Variants in LRRN4 observed in about 807,000 individuals in gnomAD.
LRRN4 encodes leucine-rich repeat neuronal protein 4.
A neutral mutation model predicts 22.3 loss-of-function variants in LRRN4; 26 were observed. The observed-to-expected ratio is 1.16, with a 90% CI of 0.85 to 1.62. The LOEUF is 1.62. Among genes scored for constraint, LRRN4 ranks in the 40% most tolerant of loss-of-function variants. The pLI is 0.00. For missense variants in LRRN4, 1,070 were observed against 1,008.5 expected, an observed-to-expected ratio of 1.06 and a Z score of -0.83; for synonymous variants, 496 against 486.2, an observed-to-expected ratio of 1.02 and a Z score of -0.26.
rs778897047 is a variant in LRRN4 at position 6,052,226 on chromosome 20, C to A, written c.574G>T (p.Glu192Ter). ...LGRGAQGGIAEAAFAGEDGAP... is the reference protein window; with the variant it reads ...LGRGAQGGIA Reference sequence around the variant, plus strand: ...CCATCCTCTCCAGCGAACGCCGCCTCGGCGATGCCCCCCTGGGCTCCGCGA... The same window carrying A: ...CCATCCTCTCCAGCGAACGCCGCCTAGGCGATGCCCCCCTGGGCTCCGCGA... The change falls in exon 2 of 5, where the codon GAG becomes TAG. Residue 192 changes from glutamate (E) to a stop codon, truncating the protein, a stop_gained. Transcript: ENST00000378858. LOFTEE classifies it high-confidence loss of function. 6 of 1,578,836 alleles carry A rather than the reference C, an allele frequency of 3.8e-6. No homozygotes were observed. The African/African-American group carries it at 8.1e-5, about 21-fold the overall frequency.
At chr20:6,043,640 T>A (rs985390577) in intron 4 of LRRN4, among the ~76,000 whole-genome samples, 1 of 151,934 alleles carries the variant, frequency 6.6e-6, no homozygotes, top group Non-Finnish European at 1.5e-5. Flanking sequence ...GCATGGTGGT[T>A]CATGCCTGTA....
In LRRN4 at chr20:6,044,596, G is replaced by C; in HGVS notation, c.945C>G (p.Cys315Trp). 6.3e-7 allele frequency: 1 copy of C among 1,594,588 alleles called. No homozygotes were observed. Among genetic ancestry groups the C allele is most frequent in the Non-Finnish European group, 8.5e-7 (1 of 1,170,630 alleles). The change falls in exon 4 of 5, where the codon TGC (cysteine) becomes TGG (tryptophan). Residue 315 changes from cysteine to tryptophan, a missense_variant. By Grantham distance (215) the Cys-to-Trp change is radical. Transcript: ENST00000378858. ...TGAGGAGCCAAGACAAGTCACAACT[G>C]CAAGTGAGGGGGTTGCCAAAGAGGT... is the stretch of plus-strand genomic sequence containing the variant. ...SINLFGNPLT[C>W]SCDLSWLLTD...
At position 6,041,694 on chromosome 20, in the gene LRRN4, G is replaced by A. The variant is rs1980957504; in HGVS notation, c.1551C>T (p.Gly517=). ...PQAPNPSLSE[G]EIPVLLLDDY... ...CGTCCAGCAGCAAGACTGGAATCTC[G>A]CCCTCGGAAAGACTCGGGTTGGGGG... Residue 517 remains glycine (G), a synonymous_variant, in exon 5 of 5, where the codon GGC becomes GGT. Coordinates refer to ENST00000378858, the MANE Select transcript of LRRN4 (RefSeq NM_152611.5). The surrounding 1 kb of genome is among the most constrained non-coding windows in gnomAD (Gnocchi z 9.4). 3 of 1,613,004 alleles carry A rather than the reference G, an allele frequency of 1.9e-6. No homozygotes were observed. Among genetic ancestry groups the A allele is most frequent in the Non-Finnish European group, 2.5e-6 (3 of 1,179,400 alleles).
At position 6,041,421 on chromosome 20, in the gene LRRN4, A is replaced by G; in HGVS notation, c.1824T>C (p.His608=). The change falls in exon 5 of 5, where the codon CAT becomes CAC. Residue 608 remains histidine (H), a synonymous_variant. Transcript: ENST00000378858. The surrounding 1 kb of genome is among the most constrained non-coding windows in gnomAD (Gnocchi z 9.4). The part of the protein sequence containing the change: ...VHWCAPNSVV[H]GYQIRYSAEG... ...CCGCAGAGTAGCGGATCTGGTACCCATGCACTACCGAGTTGGGGGCACACC... is the reference window on the plus strand; with the variant it reads ...CCGCAGAGTAGCGGATCTGGTACCCGTGCACTACCGAGTTGGGGGCACACC... 6.4e-7 allele frequency: 1 copy of G among 1,559,014 alleles called. No homozygotes were observed. The highest frequency in any genetic ancestry group is 8.7e-7 in the Non-Finnish European group (1 of 1,151,414).
chr20:6,052,473 G>T lies in LRRN4; in HGVS notation c.327C>A (p.Asn109Lys), dbSNP rs749504932. The T allele has an allele frequency of 8.9e-6, 14 of 1,568,528 alleles. No homozygotes were observed. The highest frequency in any genetic ancestry group is 1.1e-5 in the Non-Finnish European group (13 of 1,166,230). Residue 109 changes from asparagine (N) to lysine (K), a missense_variant, in exon 2 of 5, where the codon AAC becomes AAA. By Grantham distance (94) the Asn-to-Lys change is moderately conservative. Coordinates refer to ENST00000378858, the MANE Select transcript of LRRN4 (RefSeq NM_152611.5). The stretch of plus-strand genomic sequence containing the variant: ...GGCCCCAGCGCAGCGCGGCGATGCG[G>T]TTGTGGCGCAGGGTCAGCACCTGCA... ...EQLQVLTLRH[N>K]RIAALRWGPG...
chr20:6,048,452 C>A (rs1172089006), intron 3 of LRRN4, among the ~76,000 whole-genome samples: 1 of 152,168 alleles, frequency 6.6e-6, no homozygotes, highest in Non-Finnish European at 1.5e-5. Flanking sequence ...TCTGATGCAG[C>A]ATTGTGTTTA....
At position 6,052,593 on chromosome 20, in the gene LRRN4, C is replaced by A. The variant is rs768315268; in HGVS notation, c.207G>T (p.Leu69=). The change falls in exon 2 of 5, where the codon CTG becomes CTT. Residue 69 remains leucine, a synonymous_variant. Coordinates refer to ENST00000378858, the MANE Select transcript of LRRN4 (RefSeq NM_152611.5). ...GCAGTGTGCGCGGTAGGCAGCCGGG[C>A]AGGCGCTCCAGGTTGCGGTTCGCCA... ...LTLANRNLER[L]PGCLPRTLRS... 6.3e-7 allele frequency: 1 copy of A among 1,584,876 alleles called. No homozygotes were observed. Among genetic ancestry groups the A allele is most frequent in the South Asian group, 1.1e-5 (1 of 88,668 alleles).
chr20:6,052,351 G>T lies in LRRN4; in HGVS notation c.449C>A (p.Ala150Asp). The change falls in exon 2 of 5, where the codon GCC becomes GAC. Residue 150 changes from alanine to aspartate, a missense_variant. Coordinates refer to ENST00000378858, the MANE Select transcript of LRRN4 (RefSeq NM_152611.5). The stretch of plus-strand genomic sequence containing the variant: ...CAGCGGATTCCCGGCGAGCGCCAGG[G>T]CGCGGAGGCTGCTCAGCGCGGGCCC... ...CTGPALSSLR[A>D]LALAGNPLRA... is the part of the protein sequence containing the mutation. 1 of 1,508,730 alleles carries T rather than the reference G, an allele frequency of 6.6e-7. No individual in the cohort carries two copies. Among genetic ancestry groups the T allele is most frequent in the South Asian group, 1.2e-5 (1 of 80,064 alleles). The allele number at this position is 1,508,730 out of a possible 1,614,324, so 93.5% of individuals were successfully genotyped here.
At chr20:6,051,464 T>C (rs1258773687) in intron 2 of LRRN4, among the ~76,000 whole-genome samples, 2 of 152,162 alleles carry the variant, frequency 1.3e-5, no homozygotes, top group Non-Finnish European at 2.9e-5. Flanking sequence ...TTCCCCTCGG[T>C]ATTCCCCATT....
chr20:6,052,181 C>G lies in LRRN4; in HGVS notation c.619G>C (p.Glu207Gln). Residue 207 changes from glutamate to glutamine, a missense_variant, in exon 2 of 5, where the codon GAA becomes CAA. Physicochemically the swap from Glu to Gln is conservative, Grantham distance 29 (BLOSUM62 2). Coordinates refer to ENST00000378858, the MANE Select transcript of LRRN4 (RefSeq NM_152611.5). ...GEDGAPLVTL[E>Q]VLDLSGTFLE... ...AACGTGCCGCTGAGATCCAGGACTT[C>G]GAGCGTGACCAGGGGCGCGCCATCC... The G allele has an allele frequency of 1.3e-6, 2 of 1,598,604 alleles. No individual in the cohort carries two copies. Among genetic ancestry groups the G allele is most frequent in the Non-Finnish European group, 1.7e-6 (2 of 1,173,596 alleles).
intron 3 of LRRN4, among the ~76,000 whole-genome samples, chr20:6,046,534 A>C (rs1981103270): frequency 6.8e-6 from 1 of 147,984 alleles, no homozygotes; most frequent in Non-Finnish European, 1.5e-5. Context: ...CCCAGATTTT[A>C]CCTCATTTAC....
chr20:6,042,166 C>A lies in LRRN4; in HGVS notation c.1079G>T (p.Gly360Val), dbSNP rs749384086. The A allele has an allele frequency of 2.5e-5, 40 of 1,614,026 alleles. No individual in the cohort carries two copies. Among genetic ancestry groups the A allele is most frequent in the Non-Finnish European group, 3.2e-5 (38 of 1,180,030 alleles). ...SASLSLSQLP[G>V]VCQSDQSTTL... is the part of the protein sequence containing the mutation. Reference sequence around the variant, plus strand: ...GGTGCTTTGGTCGGACTGGCACACTCCGGGCAGCTGGGAGAGTGACAGGGA... The same window carrying A: ...GGTGCTTTGGTCGGACTGGCACACTACGGGCAGCTGGGAGAGTGACAGGGA... Residue 360 changes from glycine to valine, a missense_variant, in exon 5 of 5, where the codon GGA becomes GTA. Coordinates refer to ENST00000378858, the MANE Select transcript of LRRN4 (RefSeq NM_152611.5).
At position 6,052,570 on chromosome 20, in the gene LRRN4, A is replaced by G. The variant is rs1179065719; in HGVS notation, c.230T>C (p.Leu77Pro). The change falls in exon 2 of 5, where the codon CTG becomes CCG. Residue 77 changes from leucine (L) to proline (P), a missense_variant. Leu to Pro is a moderately conservative substitution (Grantham distance 98). Coordinates refer to ENST00000378858, the MANE Select transcript of LRRN4 (RefSeq NM_152611.5). ...GTTGTGGCTGGCGTCGAGGCTGCGCAGTGTGCGCGGTAGGCAGCCGGGCAG... is the reference window on the plus strand; with the variant it reads ...GTTGTGGCTGGCGTCGAGGCTGCGCGGTGTGCGCGGTAGGCAGCCGGGCAG... ...ERLPGCLPRT[L>P]RSLDASHNLL... The G allele has an allele frequency of 1.9e-6, 3 of 1,580,762 alleles. No individual in the cohort carries two copies. The highest frequency in any genetic ancestry group is 2.3e-5 in the South Asian group (2 of 88,178).
intron 2 of LRRN4, among the ~76,000 whole-genome samples, 153 bp from the exon 3 acceptor site, chr20:6,051,136 T>A (rs1981234265): frequency 1.3e-5 from 2 of 152,184 alleles, no homozygotes; most frequent in Admixed American, 1.3e-4. Context: ...CTCAGAATTG[T>A]GGTCATTTCA....
Position 6,041,077 on chromosome 20 carries a change from GCCA to G in LRRN4, c.2165_2167del (p.Val722del), listed in dbSNP as rs759674717. 6.2e-7 allele frequency: 1 copy of G among 1,613,732 alleles called. No individual in the cohort carries two copies. Among genetic ancestry groups the G allele is most frequent in the African/African-American group, 1.3e-5 (1 of 74,934 alleles). On this transcript the variant is annotated inframe_deletion, in exon 5 of 5. Transcript: ENST00000378858. The surrounding 1 kb of genome is among the most constrained non-coding windows in gnomAD (Gnocchi z 9.4). ...ATCATCAAAGGCCGGGTTTTTGTAGGCCACCAGGTGCGTGTCGCAGCGCTGCAG... is the reference window on the plus strand; with the variant it reads ...ATCATCAAAGGCCGGGTTTTTGTAGGCCAGGTGCGTGTCGCAGCGCTGCAG...
intron 3 of LRRN4, among the ~76,000 whole-genome samples, chr20:6,046,336 G>A (rs1307230334): frequency 1.4e-5 from 2 of 148,024 alleles, no homozygotes; most frequent in Non-Finnish European, 3.0e-5. Flanking sequence ...ATATATATAG[G>A]AGGAGCTGCA....
In LRRN4 at chr20:6,041,664, G is replaced by A. The variant is rs1309878256; in HGVS notation, c.1581C>T (p.Tyr527=). Residue 527 remains tyrosine, a synonymous_variant, in exon 5 of 5, where the codon TAC becomes TAT. Coordinates refer to ENST00000378858, the MANE Select transcript of LRRN4 (RefSeq NM_152611.5). The surrounding 1 kb of genome is among the most constrained non-coding windows in gnomAD (Gnocchi z 9.4). ...CCTTCCTCCCTTCCTCCTCCTCACT[G>A]TAGTCGTCCAGCAGCAAGACTGGAA... ...GEIPVLLLDD[Y]SEEEEGRKEE... is the part of the protein sequence containing the mutation. The A allele has an allele frequency of 5.0e-6, 8 of 1,611,574 alleles. No individual in the cohort carries two copies. In the South Asian group the frequency reaches 8.8e-5, roughly 18 times the overall value.
intron 3 of LRRN4, among the ~76,000 whole-genome samples, chr20:6,048,333 T>C (rs1006105013): frequency 6.6e-6 from 1 of 152,172 alleles, no homozygotes; most frequent in African/African-American, 2.4e-5. Flanking sequence ...GGCCCTCATC[T>C]CTCTGTACTG....
intron 1 of LRRN4, 79 bp from the exon 2 acceptor site, chr20:6,052,883 C>T: frequency 7.2e-7 from 1 of 1,379,818 alleles, no homozygotes. Flanking sequence ...CCCAACCCTA[C>T]CTCCAGGGCT....
Sources: gnomAD v4.1 joint callset for allele counts (sites outside exome capture counted in the v4.1 genomes callset) on GRCh38, gnomAD v4.1.1 for gene constraint, Gnocchi (gnomAD v3.1) non-coding constraint, MANE v1.5 for transcripts, NCBI Gene and HGNC (gene_info 2026-07-23, HGNC 2026-07-21) for gene names.